PCDH15: variants seen among roughly 807,000 people sequenced by gnomAD.
The protein encoded by PCDH15 is protocadherin-15.
In PCDH15, 129 loss-of-function variants were observed where a neutral mutation model predicts 178.5. The ratio of observed to expected loss-of-function variants is 0.72; its 90% confidence interval spans 0.63 to 0.84. The LOEUF (loss-of-function observed/expected upper bound fraction) is 0.84, where lower values mean the gene tolerates loss of function less well. PCDH15 is among the 40% of genes least tolerant of loss of function. PCDH15 has a pLI of 0.00. For missense variants in PCDH15, 2,230 were observed against 2,099.9 expected (o/e 1.06, Z -1.21); for synonymous variants, 800 against 732.0 (o/e 1.09, Z -1.50).
intron 13 of PCDH15, among the ~76,000 whole-genome samples, chr10:54,177,080 G>C (rs1366227454): frequency 1.3e-5 from 2 of 152,004 alleles, no homozygotes; most frequent in Admixed American, 1.3e-4. Context: ...CTAGATAATG[G>C]AATATTATAC....
chr10:53,816,300 A>G, intron 34 of PCDH15, 23 bp from the exon 35 acceptor site: 1 of 398,734 alleles, frequency 2.5e-6, no homozygotes, highest in South Asian at 1.3e-4. Context: ...ATTAAAATAG[A>G]AAAAGATTTA....
intron 26 of PCDH15, among the ~76,000 whole-genome samples, chr10:53,872,999 G>A (rs1437074927): frequency 6.6e-6 from 1 of 152,102 alleles, no homozygotes; most frequent in African/African-American, 2.4e-5. Context: ...TGCTTCATCA[G>A]CTCTATTGAT....
chr10:54,620,857 C>A (rs1249933285), intron 2 of PCDH15, among the ~76,000 whole-genome samples: 1 of 151,938 alleles, frequency 6.6e-6, no homozygotes, highest in East Asian at 1.9e-4. Flanking sequence ...CCTTTTTCCC[C>A]TTTACTGAAA....
intron 13 of PCDH15, among the ~76,000 whole-genome samples, chr10:54,182,495 G>T (rs1013848755): frequency 1.3e-5 from 2 of 151,340 alleles, no homozygotes; most frequent in Admixed American, 6.6e-5. Context: ...GAGAGGAAAA[G>T]AGAGAAAAAA....
At chr10:54,922,031 G>A (rs1298736573) in intron 2 of PCDH15, among the ~76,000 whole-genome samples, 1 of 152,162 alleles carries the variant, frequency 6.6e-6, no homozygotes, top group Non-Finnish European at 1.5e-5. Context: ...CCTAACCCAT[G>A]ATTCAATTGC....
At chr10:53,815,273 C>CAACA (rs1463280488) in intron 35 of PCDH15, among the ~76,000 whole-genome samples, 1 of 152,132 alleles carries the variant, frequency 6.6e-6, no homozygotes, top group East Asian at 1.9e-4. Flanking sequence ...ACAAAAACAA[C>CAACA]AACAATAATT....
chr10:54,548,201 T>C (rs1175469144), intron 2 of PCDH15, among the ~76,000 whole-genome samples: 1 of 147,768 alleles, frequency 6.8e-6, no homozygotes, highest in African/African-American at 2.4e-5. Context: ...TATATGTATA[T>C]ACTTATATAT....
At chr10:54,168,178 T>C (rs2046464699) in intron 13 of PCDH15, among the ~76,000 whole-genome samples, 1 of 151,990 alleles carries the variant, frequency 6.6e-6, no homozygotes, top group South Asian at 2.1e-4. Flanking sequence ...AGCCAGAAAA[T>C]GGCACTTTGA....
intron 2 of PCDH15, among the ~76,000 whole-genome samples, chr10:55,089,384 C>A (rs1842258976): frequency 1.4e-5 from 2 of 142,308 alleles, no homozygotes. Flanking sequence ...TAAAATCGAG[C>A]AAAAATAAAA....
Position 53,823,267 on chromosome 10 carries a change from A to G in PCDH15, c.4368-3037T>C, listed in dbSNP as rs727504071. 2.5e-6 allele frequency: 4 copies of G among 1,613,972 alleles called. No individual in the cohort carries two copies. The highest frequency in any genetic ancestry group is 3.4e-6 in the Non-Finnish European group (4 of 1,179,942). Reference sequence around the variant, plus strand: ...GACTTGTGAGCCTCAATAGTATTGGAAGAAAAGGGCATCACAACTTGTTGA... The same window carrying G: ...GACTTGTGAGCCTCAATAGTATTGGGAGAAAAGGGCATCACAACTTGTTGA... On this transcript the variant is annotated intron_variant, in intron 32 of 37. Coordinates refer to ENST00000644397, the MANE Select transcript of PCDH15 (RefSeq NM_001384140.1).
At chr10:55,242,557 G>A (rs954572298) in intron 1 of PCDH15, among the ~76,000 whole-genome samples, 4 of 151,840 alleles carry the variant, frequency 2.6e-5, no homozygotes, top group East Asian at 1.9e-4. Context: ...ACAAACTGTC[G>A]GCCAGGAACA....
intron 2 of PCDH15, among the ~76,000 whole-genome samples, chr10:55,349,196 T>C (rs1323250756): frequency 2.0e-5 from 3 of 152,092 alleles, no homozygotes; most frequent in African/African-American, 7.2e-5. Flanking sequence ...TGTGCTAGAT[T>C]GTTATTTCTG....
At chr10:54,996,650 A>G (rs906205152) in intron 2 of PCDH15, among the ~76,000 whole-genome samples, 1 of 152,128 alleles carries the variant, frequency 6.6e-6, no homozygotes, top group African/African-American at 2.4e-5. Context: ...TTGTCTTACA[A>G]TTGGATTCAT....
intron 1 of PCDH15, among the ~76,000 whole-genome samples, chr10:55,188,716 TCA>T (rs1839865645): frequency 6.6e-6 from 1 of 151,900 alleles, no homozygotes; most frequent in African/African-American, 2.4e-5. Flanking sequence ...CTTTAAATTC[TCA>T]CTTTCTTAAA....
At chr10:54,640,726 G>A (rs530565061) in intron 2 of PCDH15, among the ~76,000 whole-genome samples, 1 of 151,884 alleles carries the variant, frequency 6.6e-6, no homozygotes, top group African/African-American at 2.4e-5. Flanking sequence ...AAGAGGAAGA[G>A]TGGAAGAATT....
At chr10:54,516,305 T>C (rs1328277916) in intron 3 of PCDH15, among the ~76,000 whole-genome samples, 1 of 76,560 alleles carries the variant, frequency 1.3e-5, no homozygotes, top group South Asian at 5.0e-4. Context: ...AGTTAAAAAC[T>C]TTGAAAAAAA....
chr10:54,575,289 T>G (rs1417664954), intron 2 of PCDH15: 1 of 152,100 alleles, frequency 6.6e-6, no homozygotes, highest in Admixed American at 6.6e-5. Flanking sequence ...ACCCTAAAAC[T>G]TAAAGTATAA....
At position 54,195,852 on chromosome 10, in the gene PCDH15, G is replaced by A. The variant is rs2049565591; in HGVS notation, c.1136C>T (p.Ala379Val). ...QDNGHPLPAFAGLHIEILDEN... is the reference protein window; with the variant it reads ...QDNGHPLPAFVGLHIEILDEN... The stretch of plus-strand genomic sequence containing the variant: ...ATCCAGTATTTCAATGTGTAGACCG[G>A]CAAAGGCAGGAAGAGGATGACCATT... Residue 379 changes from alanine (A) to valine (V), a missense_variant, in exon 11 of 38, where the codon GCC (alanine) becomes GTC (valine). Physicochemically the swap from Ala to Val is moderately conservative, Grantham distance 64 (BLOSUM62 0). Coordinates refer to ENST00000644397, the MANE Select transcript of PCDH15 (RefSeq NM_001384140.1). 1 of 1,613,756 alleles carries A rather than the reference G, an allele frequency of 6.2e-7. No homozygotes were observed. Among genetic ancestry groups the A allele is most frequent in the African/African-American group, 1.3e-5 (1 of 74,974 alleles).
rs1398960148 is a variant in PCDH15 at position 54,573,705 on chromosome 10, TA to T, written c.92-45829del. Among the ~76,000 whole-genome samples the T allele has an allele frequency of 0.015, 22 of 1,442 alleles. No individual in the cohort carries two copies. In the East Asian group the frequency reaches 0.28, roughly 19 times the overall value. 0.9% of individuals were successfully genotyped at this position (1,442 alleles called of 152,430 possible). A position where few individuals can be genotyped will look rare whatever the true frequency, so the allele number is the denominator to read the frequency against. On this transcript the variant is annotated intron_variant, in intron 2 of 37. Transcript: ENST00000644397. ...TATTAGGTAGCCTTATCTTTATCGA[TA>T]GTTTTCCCCAACTTCAGATTCTGGT...
Sources: gnomAD v4.1 joint callset for allele counts (sites outside exome capture counted in the v4.1 genomes callset) on GRCh38, gnomAD v4.1.1 for gene constraint, MANE v1.5 for transcripts, NCBI Gene and HGNC (gene_info 2026-07-23, HGNC 2026-07-21) for gene names.